The following EMSY variants were observed in gnomAD, a reference collection of about 807,000 sequenced individuals.
The protein encoded by EMSY is EMSY transcriptional repressor, BRCA2 interacting, also known as BRCA2-interacting transcriptional repressor EMSY.
Under a neutral mutation model 134.6 loss-of-function variants are expected in EMSY, and 26 were observed. The observed-to-expected ratio is 0.19, with a 90% CI of 0.14 to 0.27. The LOEUF (loss-of-function observed/expected upper bound fraction) is 0.27. Among genes scored for constraint, EMSY ranks in the 10% least tolerant of loss-of-function variants. The pLI, the probability that EMSY is intolerant of heterozygous loss-of-function variation, is 1.00. For synonymous variants in EMSY, 579 were observed against 577.8 expected, an observed-to-expected ratio of 1.00 and a Z score of -0.03; for missense variants, 1,305 against 1,611.4, an observed-to-expected ratio of 0.81 and a Z score of 3.26.
intron 11 of EMSY, among the ~76,000 whole-genome samples, chr11:76,520,673 T>C (rs1950608899): frequency 6.6e-6 from 1 of 152,182 alleles, no homozygotes; most frequent in South Asian, 2.1e-4. Context: ...ATGAGACATA[T>C]AATGGCAAAT....
chr11:76,492,472 C>T (rs1565312443), intron 8 of EMSY, among the ~76,000 whole-genome samples: 1 of 152,074 alleles, frequency 6.6e-6, no homozygotes, highest in Non-Finnish European at 1.5e-5. Flanking sequence ...GACTCCATCT[C>T]ATAAATAAAT....
chr11:76,496,356 A>G (rs757629476), exon 9 of EMSY: 8 of 1,614,222 alleles, frequency 5.0e-6, no homozygotes, highest in Non-Finnish European at 6.8e-6. Context: ...CAAGTGCAAC[A>G]GCAGACACAG....
chr11:76,526,415 A>G (rs370548249), intron 12 of EMSY, 47 bp from the exon 14 acceptor site: 19 of 1,398,696 alleles, frequency 1.4e-5, no homozygotes, highest in Non-Finnish European at 1.7e-5. Flanking sequence ...GGACTTTATC[A>G]TTTATATGCA....
chr11:76,491,344 CT>C (rs1193892243), intron 8 of EMSY, among the ~76,000 whole-genome samples: 1 of 151,936 alleles, frequency 6.6e-6, no homozygotes, highest in Non-Finnish European at 1.5e-5. Flanking sequence ...CCATGCCCGG[CT>C]TTTTTTGTTT....
At chr11:76,471,810 C>T (rs1364891409) in intron 7 of EMSY, among the ~76,000 whole-genome samples, 1 of 152,102 alleles carries the variant, frequency 6.6e-6, no homozygotes, top group African/African-American at 2.4e-5. Flanking sequence ...CTACTTTGTA[C>T]CCTATACATT....
chr11:76,498,683 C>A (rs1185722952), intron 9 of EMSY, among the ~76,000 whole-genome samples: 3 of 151,908 alleles, frequency 2.0e-5, no homozygotes, highest in African/African-American at 7.3e-5. Context: ...CTTGTAAAGT[C>A]TGCCATATAA....
chr11:76,520,488 A>G (rs1410178820), intron 11 of EMSY, among the ~76,000 whole-genome samples: 1 of 152,200 alleles, frequency 6.6e-6, no homozygotes, highest in Admixed American at 6.5e-5. Context: ...CATGTGAGGG[A>G]TTAAAGTTAA....
chr11:76,458,529 A>G, intron 5 of EMSY, 171 bp downstream of exon 6: 1 of 662,418 alleles, frequency 1.5e-6, no homozygotes, highest in East Asian at 3.4e-5. Flanking sequence ...TTAGCCTTAG[A>G]CAAAATTTAG....
intron 17 of EMSY, among the ~76,000 whole-genome samples, chr11:76,541,543 C>A (rs1042597961): frequency 3.9e-5 from 6 of 152,184 alleles, no homozygotes; most frequent in African/African-American, 1.4e-4. Flanking sequence ...CAAAACAAAA[C>A]CTCTTAAGTT....
intron 8 of EMSY, among the ~76,000 whole-genome samples, chr11:76,479,770 C>A (rs1948898753): frequency 6.6e-6 from 1 of 152,178 alleles, no homozygotes; most frequent in Non-Finnish European, 1.5e-5. Context: ...TATTGAAATT[C>A]TGTGCTGAAA....
intron 2 of EMSY, among the ~76,000 whole-genome samples, chr11:76,450,749 C>G: frequency 6.6e-6 from 1 of 151,256 alleles, no homozygotes; most frequent in Non-Finnish European, 1.5e-5. Context: ...GCCTCGGCCT[C>G]CCAAAGAGCT....
At chr11:76,455,394 A>G (rs1947827531) in intron 4 of EMSY, among the ~76,000 whole-genome samples, 1 of 152,106 alleles carries the variant, frequency 6.6e-6, no homozygotes, top group Admixed American at 6.6e-5. Context: ...TGAGGAAGGA[A>G]TAGATCTCTC....
At chr11:76,471,829 G>A (rs189733628) in intron 7 of EMSY, among the ~76,000 whole-genome samples, 7 of 151,980 alleles carry the variant, frequency 4.6e-5, no homozygotes, top group African/African-American at 7.2e-5. Context: ...TTTCTATCCC[G>A]TTCACTAGAT....
At chr11:76,481,286 G>A (rs902304871) in intron 8 of EMSY, among the ~76,000 whole-genome samples, 7 of 152,108 alleles carry the variant, frequency 4.6e-5, no homozygotes, top group East Asian at 1.9e-4. Context: ...CTTATGATCC[G>A]CCCACCTTGG....
chr11:76,545,685 G>A (rs1951619583), intron 19 of EMSY, 112 bp from the exon 21 acceptor site: 1 of 1,286,400 alleles, frequency 7.8e-7, no homozygotes, highest in Non-Finnish European at 1.1e-6. Flanking sequence ...CTTCAAAACT[G>A]TCTTCCTAGT....
intron 18 of EMSY, 117 bp downstream of exon 19, chr11:76,542,484 T>G: frequency 7.6e-7 from 1 of 1,319,242 alleles, no homozygotes. Flanking sequence ...TTTGTGTAAT[T>G]CTTTTCTAAG....
chr11:76,515,357 G>A lies in EMSY; in HGVS notation c.1514-785G>A, dbSNP rs116720472. ...GCTATTGATGCTTAATTTAGGAATAGCCTTTCTGAGTTACTGGATTTGTAA... is the reference window on the plus strand; with the variant it reads ...GCTATTGATGCTTAATTTAGGAATAACCTTTCTGAGTTACTGGATTTGTAA... On this transcript the variant is annotated intron_variant, in intron 10 of 20. Coordinates refer to ENST00000334736, the Ensembl canonical transcript of EMSY. 6.8e-3 allele frequency among the ~76,000 whole-genome samples: 1,036 copies of A among 151,960 alleles called. 11 individuals carry two copies. Among genetic ancestry groups the A allele is most frequent in the African/African-American group, 0.024 (980 of 41,440 alleles).
chr11:76,518,705 T>TATATATATATATATATATA (rs1406438858), intron 11 of EMSY, among the ~76,000 whole-genome samples: 54 of 80,722 alleles, frequency 6.7e-4, no homozygotes, highest in Non-Finnish European at 1.0e-3. Flanking sequence ...ATATATATAT[T>TATATATATATATATATATA]TTTTTTTTAA....
intron 4 of EMSY, chr11:76,453,708 A>T: frequency 5.2e-6 from 1 of 191,032 alleles, no homozygotes; most frequent in Non-Finnish European, 1.1e-5. Context: ...GTGACCCCTA[A>T]AATTGAAAGC....
Sources: gnomAD v4.1 joint callset for allele counts (sites outside exome capture counted in the v4.1 genomes callset) on GRCh38, gnomAD v4.1.1 for gene constraint, MANE v1.5 for transcripts, NCBI Gene and HGNC (gene_info 2026-07-23, HGNC 2026-07-21) for gene names.